The following ZSWIM6 variants were observed in gnomAD, a reference collection of about 807,000 sequenced individuals.
ZSWIM6 encodes zinc finger SWIM-type containing 6.
Under a neutral mutation model 113.2 loss-of-function variants are expected in ZSWIM6, and 9 were observed. The ratio of observed to expected loss-of-function variants is 0.08; its 90% CI spans 0.05 to 0.14. The LOEUF is 0.14. ZSWIM6 is among the 10% of genes least tolerant of loss of function. The pLI, the probability that ZSWIM6 is intolerant of heterozygous loss-of-function variation, is 1.00. For missense variants in ZSWIM6, 1,162 were observed against 1,552.2 expected (o/e 0.75, Z 4.22); for synonymous variants, 611 against 606.5 (o/e 1.01, Z -0.11).
chr5:61,457,803 G>A (rs745838775), intron 1 of ZSWIM6, among the ~76,000 whole-genome samples: 3 of 152,130 alleles, frequency 2.0e-5, no homozygotes, highest in Non-Finnish European at 4.4e-5. Flanking sequence ...GATTACAGGT[G>A]TGAGCCGCTG....
intron 1 of ZSWIM6, among the ~76,000 whole-genome samples, chr5:61,453,130 T>C (rs1284241559): frequency 6.6e-6 from 1 of 152,218 alleles, no homozygotes. Flanking sequence ...TTTAAGATGA[T>C]ATCTGCCAAG....
intron 1 of ZSWIM6, among the ~76,000 whole-genome samples, chr5:61,424,862 G>A (rs1158451689): frequency 6.6e-6 from 1 of 151,712 alleles, no homozygotes; most frequent in Non-Finnish European, 1.5e-5. Context: ...TGGATAGCTG[G>A]GATTACAGGC....
At chr5:61,433,789 T>C (rs1420239728) in intron 1 of ZSWIM6, among the ~76,000 whole-genome samples, 2 of 151,968 alleles carry the variant, frequency 1.3e-5, no homozygotes, top group African/African-American at 4.8e-5. Flanking sequence ...CCTAGTTTTT[T>C]AAAAAGTACA....
At chr5:61,524,193 T>C (rs1293593918) in intron 5 of ZSWIM6, among the ~76,000 whole-genome samples, 1 of 152,238 alleles carries the variant, frequency 6.6e-6, no homozygotes, top group Non-Finnish European at 1.5e-5. Flanking sequence ...GGAACCAATT[T>C]CTTGCTGGGC....
intron 2 of ZSWIM6, 114 bp downstream of exon 2, chr5:61,473,151 T>C: frequency 3.1e-6 from 2 of 649,904 alleles, no homozygotes; most frequent in South Asian, 3.6e-5. Flanking sequence ...AGCATTGCTC[T>C]TAGTTGGTCA....
chr5:61,536,972 T>C (rs1422581595), intron 10 of ZSWIM6, among the ~76,000 whole-genome samples: 1 of 152,222 alleles, frequency 6.6e-6, no homozygotes, highest in Non-Finnish European at 1.5e-5. Context: ...ATTTTTATTT[T>C]TGGAAGCTGA....
intron 1 of ZSWIM6, among the ~76,000 whole-genome samples, chr5:61,409,979 T>A (rs531058116): frequency 2.6e-5 from 4 of 152,348 alleles, no homozygotes; most frequent in Admixed American, 2.6e-4. Flanking sequence ...GGCACTGTTG[T>A]GACTTTTGAT....
chr5:61,545,017 A>G lies in ZSWIM6; in HGVS notation c.*700A>G. 1 of 152,154 alleles carries G rather than the reference A, an allele frequency of 6.6e-6. No homozygotes were observed. Among genetic ancestry groups the G allele is most frequent in the African/African-American group, 2.4e-5 (1 of 41,560 alleles). 9.4% of individuals were successfully genotyped at this position (152,154 alleles called of 1,614,324 possible). A position where few individuals can be genotyped will look rare whatever the true frequency, so the allele number is the denominator to read the frequency against. ...TTGAAAATATAACATTAACTAATTTATAAAAAATATTCTATGTAATGCAAA... is the reference window on the plus strand; with the variant it reads ...TTGAAAATATAACATTAACTAATTTGTAAAAAATATTCTATGTAATGCAAA... On this transcript the variant is annotated 3_prime_UTR_variant, in exon 14 of 14. Coordinates refer to ENST00000252744, the MANE Select transcript of ZSWIM6 (RefSeq NM_020928.2).
chr5:61,365,921 G>A (rs544433971), intron 1 of ZSWIM6, among the ~76,000 whole-genome samples: 1 of 152,190 alleles, frequency 6.6e-6, no homozygotes, highest in East Asian at 1.9e-4. Context: ...CGTCTATCAG[G>A]TGTCTTTTTT....
intron 9 of ZSWIM6, among the ~76,000 whole-genome samples, chr5:61,534,271 T>C (rs774814059): frequency 5.9e-5 from 9 of 152,216 alleles, no homozygotes; most frequent in Non-Finnish European, 1.2e-4. Context: ...GAGATTTAGA[T>C]GTTAGTTTAG....
At chr5:61,538,309 T>C (rs1749636027) in intron 10 of ZSWIM6, among the ~76,000 whole-genome samples, 1 of 152,240 alleles carries the variant, frequency 6.6e-6, no homozygotes, top group Non-Finnish European at 1.5e-5. Context: ...AGGTAATTTT[T>C]GTCTTACTTC....
intron 1 of ZSWIM6, among the ~76,000 whole-genome samples, chr5:61,423,300 C>T (rs1279943371): frequency 3.3e-5 from 5 of 151,568 alleles, no homozygotes; most frequent in South Asian, 2.1e-4. Context: ...CCCAGCTACT[C>T]GGTAGGCTGA....
intron 10 of ZSWIM6, among the ~76,000 whole-genome samples, chr5:61,537,247 T>G (rs1325645020): frequency 6.6e-6 from 1 of 152,192 alleles, no homozygotes; most frequent in Non-Finnish European, 1.5e-5. Flanking sequence ...GCCAAGGCAG[T>G]TTCTTAATGG....
chr5:61,484,780 G>A (rs1747970742), intron 2 of ZSWIM6, among the ~76,000 whole-genome samples: 1 of 152,076 alleles, frequency 6.6e-6, no homozygotes, highest in African/African-American at 2.4e-5. Flanking sequence ...TTTGCTTTAG[G>A]GTTGACAGCC....
intron 1 of ZSWIM6, among the ~76,000 whole-genome samples, chr5:61,471,692 T>A (rs559776305): frequency 3.3e-5 from 5 of 152,336 alleles, no homozygotes; most frequent in African/African-American, 9.6e-5. Flanking sequence ...CTAGGTTGCA[T>A]GCTCCTTATG....
intron 9 of ZSWIM6, among the ~76,000 whole-genome samples, chr5:61,534,149 T>G (rs891941289): frequency 6.6e-6 from 1 of 152,190 alleles, no homozygotes; most frequent in Non-Finnish European, 1.5e-5. Context: ...ACTTAAATAA[T>G]GTAGCCTTGG....
rs1354056474 is a variant in ZSWIM6, at chr5:61,423,034, G to A, written c.677-49647G>A. ...CTTCTTCCTTTCCACTTTGGATGCC[G>A]TTTCTCTTCTTTTCTTTTCTTTCTT... On this transcript the variant is annotated intron_variant, in intron 1 of 13. Coordinates refer to ENST00000252744, the MANE Select transcript of ZSWIM6 (RefSeq NM_020928.2). Among the ~76,000 whole-genome samples the A allele has an allele frequency of 3.3e-5, 5 of 152,020 alleles. No individual in the cohort carries two copies. In the East Asian group the frequency reaches 5.8e-4, roughly 18 times the overall value.
intron 1 of ZSWIM6, among the ~76,000 whole-genome samples, chr5:61,413,367 G>A (rs1203948879): frequency 4.0e-5 from 6 of 151,594 alleles, no homozygotes; most frequent in African/African-American, 1.5e-4. Context: ...ATTTTTTATG[G>A]CTGCATAGTA....
intron 1 of ZSWIM6, among the ~76,000 whole-genome samples, chr5:61,343,405 A>G (rs1744588951): frequency 6.6e-6 from 1 of 152,240 alleles, no homozygotes; most frequent in East Asian, 1.9e-4. Context: ...TATAGAGAAA[A>G]TATACATGAG....
Sources: gnomAD v4.1 joint callset for allele counts (sites outside exome capture counted in the v4.1 genomes callset) on GRCh38, gnomAD v4.1.1 for gene constraint, MANE v1.5 for transcripts, NCBI Gene and HGNC (gene_info 2026-07-23, HGNC 2026-07-21) for gene names.